The following CPNE4 variants were observed in gnomAD, a reference collection of about 807,000 sequenced individuals.
CPNE4 encodes the protein copine-4.
Under a neutral mutation model 67.9 loss-of-function variants are expected in CPNE4, and 25 were observed. That is an observed-to-expected ratio of 0.37 (90% CI 0.27 to 0.51). CPNE4 has a LOEUF of 0.51. Ranked by LOEUF, CPNE4 falls within the 20% of genes least tolerant of loss-of-function variation. The pLI, the probability that CPNE4 is intolerant of heterozygous loss-of-function variation, is 0.93. For synonymous variants in CPNE4, 242 were observed against 244.9 expected, an observed-to-expected ratio of 0.99 and a Z score of 0.11; for missense variants, 464 against 690.8, an observed-to-expected ratio of 0.67 and a Z score of 3.68.
At chr3:131,713,916 C>T (rs1180480493) in intron 3 of CPNE4, among the ~76,000 whole-genome samples, 1 of 152,106 alleles carries the variant, frequency 6.6e-6, no homozygotes, top group Non-Finnish European at 1.5e-5. Flanking sequence ...AATGGCACTA[C>T]TTCCCAGGAT....
intron 2 of CPNE4, among the ~76,000 whole-genome samples, chr3:131,866,322 A>G (rs1477191496): frequency 6.6e-6 from 1 of 152,222 alleles, no homozygotes; most frequent in Non-Finnish European, 1.5e-5. Flanking sequence ...GCATTCGTTT[A>G]GTGTACCACA....
rs114728011 is a variant in CPNE4, at chr3:131,589,755, T to C, written c.682-2173A>G. ...TCAGCTTCTGCTATCTCTTTAAATA[T>C]GGAGGATTTGGCAGATAATTATTTT... On this transcript the variant is annotated intron_variant, in intron 7 of 15. Transcript: ENST00000429747. Among the ~76,000 whole-genome samples the C allele has an allele frequency of 2.5e-3, 388 of 152,342 alleles. 2 individuals carry two copies. Among genetic ancestry groups the C allele is most frequent in the Admixed American group, 3.9e-3 (60 of 15,304 alleles).
intron 7 of CPNE4, among the ~76,000 whole-genome samples, chr3:131,599,457 C>T (rs910829030): frequency 1.3e-5 from 2 of 152,166 alleles, no homozygotes; most frequent in African/African-American, 4.8e-5. Flanking sequence ...AACATGAACA[C>T]TCTGATTTGG....
intron 2 of CPNE4, among the ~76,000 whole-genome samples, chr3:131,875,641 T>G (rs1320474820): frequency 1.4e-5 from 2 of 138,252 alleles, no homozygotes; most frequent in Non-Finnish European, 3.1e-5. Context: ...TGTGAACACA[T>G]GGACACAAGA....
intron 7 of CPNE4, among the ~76,000 whole-genome samples, chr3:131,626,222 C>A (rs372332204): frequency 6.6e-6 from 1 of 152,326 alleles, no homozygotes; most frequent in South Asian, 2.1e-4. Context: ...AGTCACATGT[C>A]TCTCACTTTA....
At chr3:131,978,111 A>AATATATATAAAT (rs2072732892) in intron 1 of CPNE4, among the ~76,000 whole-genome samples, 1 of 58,344 alleles carries the variant, frequency 1.7e-5, no homozygotes, top group Non-Finnish European at 2.7e-5. Context: ...ATATATATAA[A>AATATATATAAAT]ATATATATAA....
chr3:131,555,587 T>C (rs945723905), intron 11 of CPNE4, 36 bp from the exon 12 acceptor site: 3 of 1,571,124 alleles, frequency 1.9e-6, no homozygotes, highest in Non-Finnish European at 2.6e-6. Context: ...AAACAAGAAG[T>C]TGCTTCATTT....
At chr3:131,890,976 T>C (rs571969636) in intron 2 of CPNE4, among the ~76,000 whole-genome samples, 1 of 152,232 alleles carries the variant, frequency 6.6e-6, no homozygotes, top group African/African-American at 2.4e-5. Flanking sequence ...TGTTTAATAA[T>C]TGCAAAATTA....
chr3:131,952,470 G>A (rs1415459547), intron 1 of CPNE4, among the ~76,000 whole-genome samples: 2 of 96,838 alleles, frequency 2.1e-5, no homozygotes, highest in Non-Finnish European at 5.6e-5. Flanking sequence ...CGGGAGGGAG[G>A]TGGGGGGGTC....
chr3:131,655,288 T>C (rs915327938), intron 7 of CPNE4, among the ~76,000 whole-genome samples: 9 of 152,220 alleles, frequency 5.9e-5, no homozygotes, highest in African/African-American at 2.2e-4. Context: ...CAATGATGTA[T>C]GTTTCAACAA....
At chr3:132,006,067 C>T (rs1195495793) in intron 1 of CPNE4, among the ~76,000 whole-genome samples, 1 of 152,122 alleles carries the variant, frequency 6.6e-6, no homozygotes, top group Non-Finnish European at 1.5e-5. Flanking sequence ...CACCATCTGA[C>T]AAAGAGTAAT....
At chr3:131,755,692 T>C (rs543901232) in intron 2 of CPNE4, among the ~76,000 whole-genome samples, 3 of 152,330 alleles carry the variant, frequency 2.0e-5, no homozygotes, top group South Asian at 4.1e-4. Context: ...TCACACATTC[T>C]AATGTTGATT....
At chr3:131,672,607 A>C (rs1397199823) in intron 6 of CPNE4, among the ~76,000 whole-genome samples, 2 of 152,060 alleles carry the variant, frequency 1.3e-5, no homozygotes, top group Non-Finnish European at 2.9e-5. Context: ...ACCTTTTCAC[A>C]TATCTATTTG....
chr3:131,954,471 C>T (rs1355632773), intron 1 of CPNE4, among the ~76,000 whole-genome samples: 2 of 151,962 alleles, frequency 1.3e-5, no homozygotes, highest in African/African-American at 4.8e-5. Flanking sequence ...TATAATAAAA[C>T]AATAATTTTA....
chr3:131,567,468 G>A (rs568080460), intron 10 of CPNE4, among the ~76,000 whole-genome samples: 3 of 152,080 alleles, frequency 2.0e-5, no homozygotes, highest in Non-Finnish European at 4.4e-5. Flanking sequence ...TGCCTAGTTT[G>A]TAAAACCCAA....
At chr3:131,644,527 T>G (rs1050105474) in intron 7 of CPNE4, among the ~76,000 whole-genome samples, 31 of 152,346 alleles carry the variant, frequency 2.0e-4, no homozygotes, top group East Asian at 5.8e-4. Flanking sequence ...AATACTACTT[T>G]ATGTTTTTGC....
intron 2 of CPNE4, among the ~76,000 whole-genome samples, chr3:131,728,676 C>T (rs541526233): frequency 2.4e-4 from 37 of 151,788 alleles, no homozygotes; most frequent in African/African-American, 8.2e-4. Flanking sequence ...TTTGGGAGGC[C>T]GAGGCGGGCG....
intron 3 of CPNE4, among the ~76,000 whole-genome samples, chr3:131,720,366 C>T (rs2081851238): frequency 1.3e-5 from 2 of 149,212 alleles, no homozygotes; most frequent in African/African-American, 5.0e-5. Context: ...CTCAATGCAA[C>T]CTCTGCCTCC....
intron 2 of CPNE4, among the ~76,000 whole-genome samples, chr3:131,823,071 C>T (rs2085020782): frequency 6.6e-6 from 1 of 152,136 alleles, no homozygotes; most frequent in South Asian, 2.1e-4. Flanking sequence ...AATCTCCTGA[C>T]CTCGTGATCT....
Sources: gnomAD v4.1 joint callset for allele counts (sites outside exome capture counted in the v4.1 genomes callset) on GRCh38, gnomAD v4.1.1 for gene constraint, MANE v1.5 for transcripts, NCBI Gene and HGNC (gene_info 2026-07-23, HGNC 2026-07-21) for gene names.